METTL8: variants seen among roughly 807,000 people sequenced by gnomAD.
METTL8 encodes the protein methyltransferase 8, tRNA N3-cytidine.
In METTL8, 32 loss-of-function variants were observed where a neutral mutation model predicts 48.7. That is an observed-to-expected ratio of 0.66 (90% CI 0.50 to 0.88). METTL8 has a LOEUF of 0.88. Among genes scored for constraint, METTL8 ranks in the 40% least tolerant of loss-of-function variants. The pLI, the probability that METTL8 is intolerant of heterozygous loss-of-function variation, is 0.00. For missense variants in METTL8, 464 were observed against 474.4 expected (o/e 0.98, Z 0.20); for synonymous variants, 136 against 157.1 (o/e 0.87, Z 1.01).
intron 7 of METTL8, among the ~76,000 whole-genome samples, chr2:171,328,553 C>T (rs1305882249): frequency 2.0e-5 from 3 of 152,186 alleles, no homozygotes; most frequent in Non-Finnish European, 4.4e-5. Flanking sequence ...CACTGTCACC[C>T]AGGCTAGAGT....
intron 3 of METTL8, among the ~76,000 whole-genome samples, chr2:171,342,725 G>C (rs939874879): frequency 1.3e-5 from 2 of 152,072 alleles, no homozygotes; most frequent in Admixed American, 6.5e-5. Flanking sequence ...TCTAGTATTT[G>C]AGTTTACAAT....
chr2:171,364,179 G>A (rs982439816), intron 2 of METTL8, among the ~76,000 whole-genome samples: 12 of 152,056 alleles, frequency 7.9e-5, no homozygotes, highest in African/African-American at 2.9e-4. Flanking sequence ...AAGATTCTAA[G>A]TGGTGAACTA....
intron 1 of METTL8, among the ~76,000 whole-genome samples, chr2:171,418,227 G>T (rs532588697): frequency 2.0e-5 from 3 of 152,304 alleles, no homozygotes; most frequent in Non-Finnish European, 4.4e-5. Context: ...ACAGGTGTGA[G>T]CCACCGCACC....
In METTL8 at chr2:171,316,049, C is replaced by T. The variant is rs148731282; in HGVS notation, c.*8123G>A. Among the ~76,000 whole-genome samples the T allele has an allele frequency of 5.9e-5, 9 of 152,312 alleles. No homozygotes were observed. The South Asian group carries it at 8.3e-4, about 14-fold the overall frequency. ...CAGCAAAGAGGTAATTCTTTATTCT[C>T]GAGAGCTTCCTCGTGCACATGATCA... On this transcript the variant is annotated 3_prime_UTR_variant, in exon 10 of 10. Coordinates refer to ENST00000375258, the MANE Select transcript of METTL8 (RefSeq NM_001321154.2).
rs1455633675 is a variant in METTL8, at chr2:171,323,570, T to C, written c.*602A>G. 1 of 152,098 alleles carries C rather than the reference T, an allele frequency of 6.6e-6. No individual in the cohort carries two copies. Among genetic ancestry groups the C allele is most frequent in the Non-Finnish European group, 1.5e-5 (1 of 68,030 alleles). The allele number at this position is 152,098 out of a possible 1,614,324, so 9.4% of individuals were successfully genotyped here. ...ATATCTAAGAATAGCCTGAAAATAA[T>C]GTCAGCATGGGCTGTACTTCCCCAA... On this transcript the variant is annotated 3_prime_UTR_variant, in exon 10 of 10. Coordinates refer to ENST00000375258, the MANE Select transcript of METTL8 (RefSeq NM_001321154.2).
intron 2 of METTL8, among the ~76,000 whole-genome samples, chr2:171,381,656 A>T (rs547808685): frequency 6.6e-6 from 1 of 152,338 alleles, no homozygotes; most frequent in Non-Finnish European, 1.5e-5. Flanking sequence ...AAAGGCTCAT[A>T]ATCACTGATC....
intron 9 of METTL8, among the ~76,000 whole-genome samples, chr2:171,325,184 T>G (rs1404358809): frequency 6.6e-6 from 1 of 151,944 alleles, no homozygotes; most frequent in Non-Finnish European, 1.5e-5. Context: ...CTTTCTATTT[T>G]GAAAATGTAT....
At position 171,328,227 on chromosome 2, in the gene METTL8, G is replaced by GGAAAA. The variant is rs200325385; in HGVS notation, c.861-2080_861-2079insTTTTC. 1.9e-3 allele frequency among the ~76,000 whole-genome samples: 286 copies of GGAAAA among 152,302 alleles called. 5 individuals are homozygous for GGAAAA. In the East Asian group the frequency reaches 0.028, roughly 15 times the overall value. On this transcript the variant is annotated intron_variant, in intron 7 of 9. Coordinates refer to ENST00000375258, the MANE Select transcript of METTL8 (RefSeq NM_001321154.2). ...ATCTCTGGATAGAGGGAGAGGAGAAGGAAGAGATAAAAAATGTATTGACTG... is the reference window on the plus strand; with the variant it reads ...ATCTCTGGATAGAGGGAGAGGAGAAGGAAAAGAAGAGATAAAAAATGTATTGACTG...
chr2:171,419,495 T>C (rs1004195334), intron 1 of METTL8, among the ~76,000 whole-genome samples: 3 of 152,150 alleles, frequency 2.0e-5, no homozygotes, highest in Non-Finnish European at 4.4e-5. Context: ...CAGTTAATAA[T>C]TGTTCGATTC....
chr2:171,371,334 TTTTTG>T, intron 2 of METTL8, among the ~76,000 whole-genome samples: 1 of 151,972 alleles, frequency 6.6e-6, no homozygotes. Flanking sequence ...AGTAAATTAG[TTTTTG>T]TTTTGTTTTC....
chr2:171,428,903 G>C (rs1692687505), intron 1 of METTL8, among the ~76,000 whole-genome samples: 1 of 152,098 alleles, frequency 6.6e-6, no homozygotes, highest in African/African-American at 2.4e-5. Flanking sequence ...AACCACAAAA[G>C]CAAACATGAG....
intron 3 of METTL8, among the ~76,000 whole-genome samples, chr2:171,357,220 A>G (rs1450330324): frequency 6.6e-6 from 1 of 152,118 alleles, no homozygotes; most frequent in African/African-American, 2.4e-5. Flanking sequence ...TGGCCCCCCA[A>G]AGTTCTGGGA....
chr2:171,402,482 GA>G (rs1343285852), intron 1 of METTL8, among the ~76,000 whole-genome samples: 1 of 152,130 alleles, frequency 6.6e-6, no homozygotes, highest in Non-Finnish European at 1.5e-5. Context: ...CAAGGGAGAA[GA>G]AAAGGCTAGA....
In METTL8 at chr2:171,324,073, C is replaced by A. The variant is rs969886570; in HGVS notation, c.*99G>T. Reference sequence around the variant, plus strand: ...GACAAAACGGCAGGAAATACAAATTCTCTTCTTTTTTTCTCATTGTCTTTT... The same window carrying A: ...GACAAAACGGCAGGAAATACAAATTATCTTCTTTTTTTCTCATTGTCTTTT... On this transcript the variant is annotated 3_prime_UTR_variant, in exon 10 of 10. Coordinates refer to ENST00000375258, the MANE Select transcript of METTL8 (RefSeq NM_001321154.2). 2.0e-6 allele frequency: 2 copies of A among 988,172 alleles called. No homozygotes were observed. Among genetic ancestry groups the A allele is most frequent in the Non-Finnish European group, 2.9e-6 (2 of 686,998 alleles). 61.2% of individuals were successfully genotyped at this position (988,172 alleles called of 1,614,324 possible).
intron 1 of METTL8, among the ~76,000 whole-genome samples, chr2:171,416,704 G>C (rs1303450567): frequency 6.6e-6 from 1 of 152,180 alleles, no homozygotes; most frequent in Non-Finnish European, 1.5e-5. Flanking sequence ...CAACTATCCT[G>C]TAAGTGAGGG....
At chr2:171,404,431 G>A (rs1283195845) in intron 1 of METTL8, among the ~76,000 whole-genome samples, 2 of 151,960 alleles carry the variant, frequency 1.3e-5, no homozygotes, top group African/African-American at 2.4e-5. Context: ...GATGACTACC[G>A]GGTAGTTAGA....
intron 5 of METTL8, among the ~76,000 whole-genome samples, chr2:171,336,751 A>G (rs1686156088): frequency 6.6e-6 from 1 of 152,116 alleles, no homozygotes; most frequent in South Asian, 2.1e-4. Context: ...TTAAGTTGTA[A>G]GCTTTACATT....
At chr2:171,325,975 A>G in intron 8 of METTL8, 67 bp downstream of exon 8, 1 of 1,345,324 alleles carries the variant, frequency 7.4e-7, no homozygotes, top group Non-Finnish European at 1.0e-6. Flanking sequence ...AAATACTTTG[A>G]TGTGAAATAT....
chr2:171,421,468 C>T lies in METTL8; in HGVS notation c.-13+12415G>A, dbSNP rs535334490. 7.9e-4 allele frequency among the ~76,000 whole-genome samples: 21 copies of T among 26,448 alleles called. 1 individual carries two copies. In the East Asian group the frequency reaches 0.013, roughly 17 times the overall value. The allele number at this position is 26,448 out of a possible 152,430, so 17.4% of individuals were successfully genotyped here. A position where few individuals can be genotyped will look rare whatever the true frequency, so the allele number is the denominator to read the frequency against. ...TTACTTCAAAAAAAAAATACATACA[C>T]ACATCCATACACACACACACACACA... On this transcript the variant is annotated intron_variant, in intron 1 of 9. Transcript: ENST00000375258.
Sources: allele counts gnomAD v4.1 joint callset (sites outside exome capture counted in the v4.1 genomes callset), GRCh38; gene constraint gnomAD v4.1.1; transcripts MANE v1.5; gene names NCBI Gene and HGNC (gene_info 2026-07-23, HGNC 2026-07-21).